The following CFAP74 variants were observed in gnomAD, a reference collection of about 807,000 sequenced individuals.
The protein encoded by CFAP74 is cilia and flagella associated protein 74.
Under a neutral mutation model 188.9 loss-of-function variants are expected in CFAP74, and 124 were observed. That is an observed-to-expected ratio of 0.66 (90% CI 0.57 to 0.76). CFAP74 has a LOEUF of 0.76. Ranked by LOEUF, CFAP74 falls within the 30% of genes least tolerant of loss-of-function variation. The pLI, the probability that CFAP74 is intolerant of heterozygous loss-of-function variation, is 0.00. For synonymous variants in CFAP74, 956 were observed against 916.7 expected (o/e 1.04, Z -0.77); for missense variants, 2,198 against 2,165.2 (o/e 1.02, Z -0.30).
At chr1:1,948,595 T>TTC (rs386366088) in intron 18 of CFAP74, among the ~76,000 whole-genome samples, 2 of 4,630 alleles carry the variant, frequency 4.3e-4, no homozygotes, top group African/African-American at 2.2e-3. Flanking sequence ...TTTCTTCTTG[T>TTC]TTTTTTTTTT....
intron 13 of CFAP74, among the ~76,000 whole-genome samples, chr1:1,964,387 C>T (rs1223419587): frequency 6.6e-6 from 1 of 152,244 alleles, no homozygotes; most frequent in Non-Finnish European, 1.5e-5. Flanking sequence ...CTCAGACTGG[C>T]GTCCAGCCCT....
chr1:1,960,070 C>G (rs540283635), intron 14 of CFAP74, 40 bp from the exon 15 acceptor site: 1 of 1,551,644 alleles, frequency 6.4e-7, no homozygotes, highest in Non-Finnish European at 8.8e-7. Flanking sequence ...GTTAGTGCTG[C>G]GGAGGGCAGA....
intron 11 of CFAP74, 31 bp from the exon 12 acceptor site, chr1:1,966,557 C>T: frequency 6.7e-7 from 1 of 1,494,820 alleles, no homozygotes; most frequent in Non-Finnish European, 9.0e-7. Flanking sequence ...ATCGCAAAGA[C>T]ACGCTCATGA....
At chr1:1,970,841 G>A (rs1473662055) in intron 9 of CFAP74, 25 bp from the exon 10 acceptor site, 2 of 1,612,270 alleles carry the variant, frequency 1.2e-6, no homozygotes, top group Non-Finnish European at 8.5e-7. Flanking sequence ...GCACTGAGAT[G>A]ACAGCAGCAG....
intron 1 of CFAP74, among the ~76,000 whole-genome samples, chr1:1,991,380 T>A (rs1467307989): frequency 6.6e-6 from 1 of 151,122 alleles, no homozygotes; most frequent in Non-Finnish European, 1.5e-5. Context: ...AAAAAGAAAC[T>A]GCCCAACAGT....
In CFAP74 at chr1:1,925,923, C is replaced by T. The variant is rs758014997; in HGVS notation, c.3964G>A (p.Asp1322Asn). The T allele has an allele frequency of 1.7e-5, 28 of 1,609,786 alleles. No individual in the cohort carries two copies. Among genetic ancestry groups the T allele is most frequent in the Non-Finnish European group, 1.9e-5 (22 of 1,178,618 alleles). Reference sequence around the variant, plus strand: ...AGCGTGCCTCTCTTGGTGATGATGTCCAGTGTTTCTTGAGCCTAAAGAGAC... The same window carrying T: ...AGCGTGCCTCTCTTGGTGATGATGTTCAGTGTTTCTTGAGCCTAAAGAGAC... ...HESILAQETL[D>N]IITKRGTLTL... Residue 1322 changes from aspartate to asparagine, a missense_variant, in exon 33 of 39, where the codon GAC (aspartate) becomes AAC (asparagine). Transcript: ENST00000682832.
intron 6 of CFAP74, among the ~76,000 whole-genome samples, chr1:1,981,543 C>T (rs949971526): frequency 7.0e-5 from 7 of 100,494 alleles, no homozygotes; most frequent in Non-Finnish European, 1.2e-4. Flanking sequence ...CACACAGCCG[C>T]GGACAGACAC....
intron 11 of CFAP74, among the ~76,000 whole-genome samples, chr1:1,967,692 C>T (rs537618832): frequency 5.9e-5 from 9 of 152,278 alleles, no homozygotes; most frequent in East Asian, 1.9e-4. Flanking sequence ...AGCAGGGCAT[C>T]GGTTGCAGCA....
At chr1:1,988,107 C>G in intron 4 of CFAP74, 1 of 473,084 alleles carries the variant, frequency 2.1e-6, no homozygotes, top group South Asian at 1.5e-5. Flanking sequence ...CCACTCTCCG[C>G]TGAATGTTTT....
At chr1:1,944,182 G>A (rs2803334) in intron 21 of CFAP74, 149 bp downstream of exon 21, 19 of 791,470 alleles carry the variant, frequency 2.4e-5, no homozygotes, top group African/African-American at 4.6e-5. Flanking sequence ...GGCTCACCGC[G>A]TGTGCACAGG....
At chr1:1,988,448 C>T (rs1657373411) in intron 4 of CFAP74, 64 bp downstream of exon 4, 2 of 1,591,444 alleles carry the variant, frequency 1.3e-6, no homozygotes, top group South Asian at 1.1e-5. Context: ...ACCCCTGCTG[C>T]ACCCATGTCA....
rs780922875 is a variant in CFAP74, at chr1:1,972,965, C to G, written c.757G>C (p.Val253Leu). 6.6e-5 allele frequency: 106 copies of G among 1,613,802 alleles called. No homozygotes were observed. The highest frequency in any genetic ancestry group is 4.9e-4 in the Middle Eastern group (3 of 6,082). The change falls in exon 8 of 39, where the codon GTG (valine) becomes CTG (leucine). Residue 253 changes from valine to leucine, a missense_variant. Transcript: ENST00000682832. ...CCCAGGGAGGCCTTCAGGAACCGCACGGCAACCTTGTGGTTCTTCCGGGCG... is the reference window on the plus strand; with the variant it reads ...CCCAGGGAGGCCTTCAGGAACCGCAGGGCAACCTTGTGGTTCTTCCGGGCG... ...EDARKNHKVA[V>L]RFLKASLGRI...
chr1:1,991,809 G>T (rs1657584943), intron 1 of CFAP74, among the ~76,000 whole-genome samples: 1 of 152,110 alleles, frequency 6.6e-6, no homozygotes, highest in African/African-American at 2.4e-5. Flanking sequence ...GGAGGCCAAG[G>T]TGGGCGGATC....
At chr1:1,953,279 T>C (rs1654313043) in intron 18 of CFAP74, 1 of 151,010 alleles carries the variant, frequency 6.6e-6, no homozygotes, top group Non-Finnish European at 1.5e-5. Context: ...CTCATGCTTA[T>C]ATGGTCAATT....
intron 1 of CFAP74, among the ~76,000 whole-genome samples, chr1:1,993,779 G>A (rs541702381): frequency 6.5e-3 from 38 of 5,848 alleles, no homozygotes; most frequent in African/African-American, 0.011. Flanking sequence ...TCAGGAGATC[G>A]AGACCATCCT....
chr1:1,939,000 A>G lies in CFAP74; in HGVS notation c.2878-12T>C, dbSNP rs1402781069. ...TGGACGTCCACAAACTGGAAATAGA[A>G]GAGTGCTCTGAGGGCATGTCACGGG... On this transcript the variant is annotated splice_polypyrimidine_tract_variant and intron_variant, in intron 24 of 38. Transcript: ENST00000682832. The G allele has an allele frequency of 6.5e-7, 1 of 1,535,552 alleles. No homozygotes were observed. The highest frequency in any genetic ancestry group is 2.4e-5 in the East Asian group (1 of 40,900).
At position 1,940,387 on chromosome 1, in the gene CFAP74, C is replaced by T. The variant is rs1290486488; in HGVS notation, c.2632G>A (p.Asp878Asn). The T allele has an allele frequency of 6.5e-7, 1 of 1,532,266 alleles. No homozygotes were observed. Among genetic ancestry groups the T allele is most frequent in the South Asian group, 1.2e-5 (1 of 83,460 alleles). 94.9% of individuals were successfully genotyped at this position (1,532,266 alleles called of 1,614,324 possible). The part of the protein sequence containing the change: ...KFLPRHSLPE[D>N]AGRYFDKETR... ...TCCTTGTCAAAATACCTCCCTGCGT[C>T]CTCCGGGAGGGAGTGTCTGAAAGAG... The change falls in exon 23 of 39, where the codon GAC becomes AAC. Residue 878 changes from aspartate to asparagine, a missense_variant. Transcript: ENST00000682832.
intron 5 of CFAP74, 50 bp downstream of exon 5, chr1:1,986,887 C>T (rs767109204): frequency 1.1e-5 from 16 of 1,502,544 alleles, no homozygotes; most frequent in African/African-American, 6.8e-5. Context: ...AGTGAACCTC[C>T]GGCCCTGACC....
intron 1 of CFAP74, among the ~76,000 whole-genome samples, chr1:2,001,167 C>T (rs924442651): frequency 4.6e-5 from 7 of 152,172 alleles, no homozygotes; most frequent in East Asian, 1.9e-4. Context: ...AGAAAGAGGG[C>T]GGCCCCAGGT....
Sources: allele counts gnomAD v4.1 joint callset (sites outside exome capture counted in the v4.1 genomes callset), GRCh38; gene constraint gnomAD v4.1.1; transcripts MANE v1.5; gene names NCBI Gene and HGNC (gene_info 2026-07-23, HGNC 2026-07-21).